Variants in AKR1B15 observed in about 807,000 individuals in gnomAD.
AKR1B15 encodes estradiol 17-beta-dehydrogenase AKR1B15.
Under a neutral mutation model 38.5 loss-of-function variants are expected in AKR1B15, and 49 were observed. That is an observed-to-expected ratio of 1.27 (90% CI 1.01 to 1.62). The LOEUF (loss-of-function observed/expected upper bound fraction) is 1.62. AKR1B15 is among the 40% of genes most tolerant of loss of function. The probability of loss-of-function intolerance (pLI) is 0.00; values close to 1 mark genes in which losing one functional copy is unlikely to be tolerated. For synonymous variants in AKR1B15, 137 were observed against 135.5 expected, an observed-to-expected ratio of 1.01 and a Z score of -0.08; for missense variants, 411 against 381.6, an observed-to-expected ratio of 1.08 and a Z score of -0.64.
intron 3 of AKR1B15, among the ~76,000 whole-genome samples, chr7:134,565,842 T>TA (rs1562948345): frequency 6.6e-6 from 1 of 152,112 alleles, no homozygotes; most frequent in Non-Finnish European, 1.5e-5. Context: ...CTAGGACACT[T>TA]AATTGGGCAC....
chr7:134,579,118 G>T (rs1197868155), intron 11 of AKR1B15, among the ~76,000 whole-genome samples: 1 of 152,052 alleles, frequency 6.6e-6, no homozygotes, highest in African/African-American at 2.4e-5. Context: ...AATGTGCCAG[G>T]GTCCTGAGCC....
intron 6 of AKR1B15, among the ~76,000 whole-genome samples, chr7:134,574,878 C>G (rs1459473185): frequency 6.6e-6 from 1 of 152,172 alleles, no homozygotes; most frequent in African/African-American, 2.4e-5. Context: ...AATTTATATG[C>G]ATGACCTTCT....
chr7:134,569,443 G>A lies in AKR1B15; in HGVS notation c.349G>A (p.Val117Met). ...VWPTFFERPLVRKAFEKTLKD... is the reference protein window; with the variant it reads ...VWPTFFERPLMRKAFEKTLKD... ...GCCCACTTTCTTTGAGAGACCCCTTGTGAGGAAAGCCTTTGAGAAGACCCT... is the reference window on the plus strand; with the variant it reads ...GCCCACTTTCTTTGAGAGACCCCTTATGAGGAAAGCCTTTGAGAAGACCCT... The change falls in exon 5 of 12, where the codon GTG becomes ATG. Residue 117 changes from valine to methionine, a missense_variant. Val to Met is a conservative substitution (Grantham distance 21). Around this residue, in one of 3 missense-constraint regions of AKR1B15, gnomAD observed 254 missense variants for 212.4 expected, o/e 1.20. Coordinates refer to ENST00000457545, the MANE Select transcript of AKR1B15 (RefSeq NM_001080538.3). 1 of 1,614,068 alleles carries A rather than the reference G, an allele frequency of 6.2e-7. No homozygotes were observed. The highest frequency in any genetic ancestry group is 8.5e-7 in the Non-Finnish European group (1 of 1,179,966).
chr7:134,552,487 T>G lies in AKR1B15; in HGVS notation c.-147+3238T>G, dbSNP rs73724974. On this transcript the variant is annotated intron_variant, in intron 1 of 11. Coordinates refer to ENST00000457545, the MANE Select transcript of AKR1B15 (RefSeq NM_001080538.3). ...CAATATCCTATGATTCTGTGGGCTA[T>G]AGAGGGAATTAATCCTCATATTCAG... Among the ~76,000 whole-genome samples the G allele has an allele frequency of 3.9e-5, 6 of 152,252 alleles. No homozygotes were observed. The South Asian group carries it at 1.0e-3, about 26-fold the overall frequency.
In AKR1B15 at chr7:134,571,615, C is replaced by T. The variant is rs568195735; in HGVS notation, c.447C>T (p.Asp149=). The T allele has an allele frequency of 5.6e-6, 9 of 1,613,148 alleles. No individual in the cohort carries two copies. Among genetic ancestry groups the T allele is most frequent in the Non-Finnish European group, 7.6e-6 (9 of 1,179,444 alleles). The change falls in exon 6 of 12, where the codon GAC becomes GAT. Residue 149 remains aspartate (D), a synonymous_variant. Transcript: ENST00000457545. ...TTCTGTATTTACAGACTGGGGATGA[C>T]TTTTTCCCCAAAGATGATAAAGGTA... The part of the protein sequence containing the change: ...HWPQGFKTGD[D]FFPKDDKGNM...
chr7:134,552,806 G>A (rs751304667), intron 1 of AKR1B15, among the ~76,000 whole-genome samples: 8 of 151,978 alleles, frequency 5.3e-5, no homozygotes, highest in Admixed American at 1.3e-4. Flanking sequence ...ATCCTGGCTC[G>A]GTAGACACCA....
At chr7:134,574,618 C>A (rs899216901) in intron 6 of AKR1B15, among the ~76,000 whole-genome samples, 2 of 152,228 alleles carry the variant, frequency 1.3e-5, no homozygotes, top group Non-Finnish European at 2.9e-5. Context: ...ATCTTGACAA[C>A]TTCTGGGCAG....
chr7:134,555,679 G>A (rs562666684), intron 1 of AKR1B15, among the ~76,000 whole-genome samples: 1 of 152,042 alleles, frequency 6.6e-6, no homozygotes, highest in South Asian at 2.1e-4. Flanking sequence ...TTTGTTCCCC[G>A]ACCCTGCCCA....
At chr7:134,569,675 G>A (rs782538) in intron 5 of AKR1B15, 146 bp downstream of exon 5, 470,347 of 786,180 alleles carry the variant, frequency 0.6, 144,661 homozygotes, top group African/African-American at 0.89. Flanking sequence ...CCACATTAAT[G>A]TTTTTATAAT....
At chr7:134,555,931 T>C (rs1365090249) in intron 1 of AKR1B15, among the ~76,000 whole-genome samples, 1 of 152,212 alleles carries the variant, frequency 6.6e-6, no homozygotes, top group Admixed American at 6.5e-5. Context: ...CTCTGGAGGA[T>C]GAACCTGATC....
intron 6 of AKR1B15, among the ~76,000 whole-genome samples, chr7:134,574,093 C>T (rs1323246144): frequency 6.6e-6 from 1 of 152,010 alleles, no homozygotes; most frequent in Admixed American, 6.6e-5. Flanking sequence ...CAGAGTCTTG[C>T]TATGTTGCCC....
intron 5 of AKR1B15, chr7:134,570,147 C>T (rs1358883220): frequency 6.6e-6 from 1 of 152,468 alleles, no homozygotes; most frequent in Non-Finnish European, 1.5e-5. Flanking sequence ...CTGTCTTTTA[C>T]AGTTGTAGAT....
intron 10 of AKR1B15, among the ~76,000 whole-genome samples, chr7:134,577,348 G>A (rs894474630): frequency 3.9e-5 from 6 of 152,186 alleles, no homozygotes; most frequent in African/African-American, 9.7e-5. Context: ...ATACACAAGA[G>A]CAGACTGTCC....
chr7:134,575,973 C>T lies in AKR1B15; in HGVS notation c.743+46C>T, dbSNP rs750925099. 5 of 1,596,392 alleles carry T rather than the reference C, an allele frequency of 3.1e-6. No individual in the cohort carries two copies. The Admixed American group carries it at 5.2e-5, about 17-fold the overall frequency. On this transcript the variant is annotated intron_variant, in intron 8 of 11. Coordinates refer to ENST00000457545, the MANE Select transcript of AKR1B15 (RefSeq NM_001080538.3). The stretch of plus-strand genomic sequence containing the variant: ...GTCTTTCTCTTGATAATCTTAAAAA[C>T]ATTATTTTATAATTGGTAAATGTCG...
Position 134,568,280 on chromosome 7 carries a change from C to A in AKR1B15, c.273C>A (p.Ile91=). Residue 91 remains isoleucine, a synonymous_variant, in exon 4 of 12, where the codon ATC becomes ATA. Coordinates refer to ENST00000457545, the MANE Select transcript of AKR1B15 (RefSeq NM_001080538.3). Reference sequence around the variant, plus strand: ...TGGGAGAAGCCATCCAAGAGAAGATCCAAGAGAAGGCTGTGATGCGGGAGG... The same window carrying A: ...TGGGAGAAGCCATCCAAGAGAAGATACAAGAGAAGGCTGTGATGCGGGAGG... ...HEVGEAIQEK[I]QEKAVMREDL... is the part of the protein sequence containing the mutation. 1 of 1,614,084 alleles carries A rather than the reference C, an allele frequency of 6.2e-7. No individual in the cohort carries two copies. The highest frequency in any genetic ancestry group is 1.1e-5 in the South Asian group (1 of 91,070).
At chr7:134,555,318 C>A (rs1176029724) in intron 1 of AKR1B15, among the ~76,000 whole-genome samples, 1 of 152,046 alleles carries the variant, frequency 6.6e-6, no homozygotes, top group African/African-American at 2.4e-5. Context: ...AAAGGACTGA[C>A]TCCTGCCTGG....
chr7:134,571,558 G>A (rs1362101624), intron 5 of AKR1B15, 46 bp from the exon 6 acceptor site: 2 of 1,456,592 alleles, frequency 1.4e-6, no homozygotes, highest in Non-Finnish European at 1.9e-6. Context: ...ACAGAACCAA[G>A]TGTCCTGATG....
chr7:134,578,539 C>T (rs563686762), intron 11 of AKR1B15, among the ~76,000 whole-genome samples: 15 of 152,244 alleles, frequency 9.9e-5, no homozygotes, highest in South Asian at 4.2e-4. Context: ...TCTGGCTAGG[C>T]GGGAATTCTA....
Position 134,577,055 on chromosome 7 carries a change from C to A in AKR1B15, c.909+9C>A, listed in dbSNP as rs1794781073. 1.2e-6 allele frequency: 2 copies of A among 1,612,060 alleles called. No individual in the cohort carries two copies. Among genetic ancestry groups the A allele is most frequent in the South Asian group, 2.2e-5 (2 of 90,992 alleles). The stretch of plus-strand genomic sequence containing the variant: ...TTGTTGAGAACATTCAGGTAAGTTT[C>A]CGGCTGGTCGGGCCTGGTATTCCTC... On this transcript the variant is annotated intron_variant, in intron 10 of 11. Transcript: ENST00000457545.
Sources: allele counts gnomAD v4.1 joint callset (sites outside exome capture counted in the v4.1 genomes callset), GRCh38; gene constraint gnomAD v4.1.1; regional missense constraint gnomAD v4.1.1; transcripts MANE v1.5; gene names NCBI Gene and HGNC (gene_info 2026-07-23, HGNC 2026-07-21).